The following CENPE variants were observed in gnomAD, a reference collection of about 807,000 sequenced individuals.
CENPE encodes centromere protein E, also known as centromere-associated protein E.
In CENPE, 145 loss-of-function variants were observed where a neutral mutation model predicts 336.1. That is an observed-to-expected ratio of 0.43 (90% CI 0.38 to 0.50). The LOEUF (loss-of-function observed/expected upper bound fraction) is 0.50, where lower values mean the gene tolerates loss of function less well. Ranked by LOEUF, CENPE falls within the 20% of genes least tolerant of loss-of-function variation. CENPE has a pLI of 0.00. For synonymous variants in CENPE, 1,013 were observed against 984.8 expected, an observed-to-expected ratio of 1.03 and a Z score of -0.54; for missense variants, 2,719 against 3,023.3, an observed-to-expected ratio of 0.90 and a Z score of 2.36.
chr4:103,190,410 A>G (rs1024017735), intron 8 of CENPE, among the ~76,000 whole-genome samples: 4 of 152,232 alleles, frequency 2.6e-5, no homozygotes, highest in African/African-American at 9.7e-5. Context: ...AGGCTACAGT[A>G]ACCAAAACAG....
chr4:103,180,371 A>G lies in CENPE; in HGVS notation c.1182T>C (p.Ile394=), dbSNP rs201423076. Residue 394 remains isoleucine (I), a synonymous_variant, in exon 13 of 49, where the codon ATT becomes ATC. Coordinates refer to ENST00000265148, the MANE Select transcript of CENPE (RefSeq NM_001813.3). The part of the protein sequence containing the change: ...DLLQKVQNEK[I]ENLTRMLVTS... ...TCACCAGCATCCGTGTTAAGTTTTC[A>G]ATTTTCTCATTCTGTACTTTCTGAA... 1 of 1,613,356 alleles carries G rather than the reference A, an allele frequency of 6.2e-7. No individual in the cohort carries two copies. Among genetic ancestry groups the G allele is most frequent in the Non-Finnish European group, 8.5e-7 (1 of 1,179,554 alleles).
chr4:103,123,119 C>A, intron 42 of CENPE, 30 bp from the exon 43 acceptor site: 2 of 1,539,468 alleles, frequency 1.3e-6, no homozygotes, highest in South Asian at 2.3e-5. Flanking sequence ...CATTATAGCT[C>A]TAAAACGATT....
chr4:103,124,114 T>C (rs754868306), intron 42 of CENPE, among the ~76,000 whole-genome samples: 5 of 152,224 alleles, frequency 3.3e-5, no homozygotes, highest in African/African-American at 7.2e-5. Flanking sequence ...TATGGATGTA[T>C]AGAAAAAACA....
intron 47 of CENPE, among the ~76,000 whole-genome samples, chr4:103,109,555 T>G (rs1196938291): frequency 6.6e-6 from 1 of 152,196 alleles, no homozygotes; most frequent in African/African-American, 2.4e-5. Flanking sequence ...ATTTATCCAG[T>G]TCCTCCGGAG....
At chr4:103,139,741 CTTAATTCTTA>C in intron 38 of CENPE, 38 bp downstream of exon 38, 1 of 1,469,468 alleles carries the variant, frequency 6.8e-7, no homozygotes, top group Non-Finnish European at 9.1e-7. Context: ...TTCAAAAAAG[CTTAATTCTTA>C]TTAATAGTTA....
chr4:103,187,996 T>C (rs1020412553), intron 8 of CENPE, among the ~76,000 whole-genome samples: 28 of 152,126 alleles, frequency 1.8e-4, no homozygotes, highest in African/African-American at 6.7e-4. Context: ...GTTGCAATCC[T>C]AGTCTCTGAT....
chr4:103,116,694 A>AT lies in CENPE; in HGVS notation c.7330-6dup, dbSNP rs762809608. 3.5e-5 allele frequency: 52 copies of AT among 1,488,082 alleles called. No individual in the cohort carries two copies. Among genetic ancestry groups the AT allele is most frequent in the South Asian group, 1.0e-4 (8 of 78,338 alleles). The allele number at this position is 1,488,082 out of a possible 1,614,324, so 92.2% of individuals were successfully genotyped here. ...AGCTCCTAAAGCAACTTTGTCCTAA[A>AT]TTTTTTTTAGAGAAAATAAAAATAA... On this transcript the variant is annotated splice_region_variant and splice_polypyrimidine_tract_variant and intron_variant, in intron 44 of 48. Coordinates refer to ENST00000265148, the MANE Select transcript of CENPE (RefSeq NM_001813.3).
Position 103,143,388 on chromosome 4 carries a change from C to A in CENPE, c.5164G>T (p.Glu1722Ter). 2 of 1,600,950 alleles carry A rather than the reference C, an allele frequency of 1.2e-6. No homozygotes were observed. Among genetic ancestry groups the A allele is most frequent in the Non-Finnish European group, 1.7e-6 (2 of 1,169,914 alleles). ...AGATGCATGTGAACAATTTTTAGCT[C>A]CTCTTGTTTTTCTAGGTCCTTTATC... ...TITRDLEKQE[E>*]LKIVHMHLKE... Residue 1722 changes from glutamate to a stop codon, truncating the protein, a stop_gained, in exon 34 of 49, where the codon GAG becomes TAG. Coordinates refer to ENST00000265148, the MANE Select transcript of CENPE (RefSeq NM_001813.3). LOFTEE classifies it high-confidence loss of function.
chr4:103,170,933 G>A (rs1180912159), intron 16 of CENPE, among the ~76,000 whole-genome samples: 1 of 152,086 alleles, frequency 6.6e-6, no homozygotes, highest in Non-Finnish European at 1.5e-5. Context: ...ACTGTGAAAA[G>A]AGACAAGGTC....
intron 34 of CENPE, among the ~76,000 whole-genome samples, 154 bp from the exon 35 acceptor site, chr4:103,142,062 C>T (rs1752609464): frequency 1.3e-5 from 2 of 151,920 alleles, no homozygotes; most frequent in African/African-American, 4.8e-5. Context: ...CCCTGTCCTC[C>T]TCTCTTCACA....
intron 9 of CENPE, among the ~76,000 whole-genome samples, chr4:103,185,353 C>A (rs1269550732): frequency 6.7e-6 from 1 of 149,294 alleles, no homozygotes; most frequent in Non-Finnish European, 1.5e-5. Context: ...TTGTACAAAT[C>A]TTTGTTGAGT....
At chr4:103,150,200 TA>T (rs1365411841) in intron 26 of CENPE, among the ~76,000 whole-genome samples, 1 of 152,194 alleles carries the variant, frequency 6.6e-6, no homozygotes, top group Admixed American at 6.5e-5. Flanking sequence ...TTACCTTTTT[TA>T]TAGGAGTATG....
In CENPE at chr4:103,120,322, C is replaced by G. The variant is rs754847768; in HGVS notation, c.7155G>C (p.Glu2385Asp). The change falls in exon 44 of 49, where the codon GAG becomes GAC. Residue 2385 changes from glutamate to aspartate, a missense_variant. Physicochemically the swap from Glu to Asp is conservative, Grantham distance 45. This residue lies in a region of CENPE where 2,437 missense variants were observed against 2,513.3 expected (regional missense o/e 0.97). Transcript: ENST00000265148. ...ATQLTTEKIR[E>D]LENSLHEAKE... Reference sequence around the variant, plus strand: ...TAGCTTCATGCAGTGAATTTTCCAGCTCTCGAATTTTCTATTAGAAAAAGC... The same window carrying G: ...TAGCTTCATGCAGTGAATTTTCCAGGTCTCGAATTTTCTATTAGAAAAAGC... 6.2e-7 allele frequency: 1 copy of G among 1,606,234 alleles called. No homozygotes were observed.
At chr4:103,139,300 T>G (rs2125913768) in intron 38 of CENPE, among the ~76,000 whole-genome samples, 1 of 152,284 alleles carries the variant, frequency 6.6e-6, no homozygotes, top group African/African-American at 2.4e-5. Context: ...AAAAAGAGGA[T>G]TTAATTAGAT....
At chr4:103,114,618 A>C in intron 45 of CENPE, 66 bp from the exon 46 acceptor site, 2 of 979,546 alleles carry the variant, frequency 2.0e-6, no homozygotes, top group Non-Finnish European at 3.2e-6. Context: ...AATAAACAGA[A>C]CTGCTGTGAA....
chr4:103,137,669 T>A (rs1439544596), intron 39 of CENPE, among the ~76,000 whole-genome samples: 1 of 152,124 alleles, frequency 6.6e-6, no homozygotes, highest in East Asian at 1.9e-4. Flanking sequence ...TGACTGTAAA[T>A]CCTGTTGGCT....
At position 103,153,071 on chromosome 4, in the gene CENPE, A is replaced by G. The variant is rs1169760794; in HGVS notation, c.3213T>C (p.Thr1071=). ...CCATTTCAATATTTTCCTTTAGGTC[A>G]GTCTTCAATTGTTCCTTTTCTGCTA... ...SVIAEKEQLK[T]DLKENIEMTI... Residue 1071 remains threonine (T), a synonymous_variant, in exon 25 of 49, where the codon ACT becomes ACC. Transcript: ENST00000265148. The G allele has an allele frequency of 6.2e-7, 1 of 1,612,068 alleles. No individual in the cohort carries two copies. Among genetic ancestry groups the G allele is most frequent in the Admixed American group, 1.7e-5 (1 of 59,706 alleles).
intron 4 of CENPE, 46 bp downstream of exon 4, chr4:103,195,874 T>C: frequency 9.1e-7 from 1 of 1,100,522 alleles, no homozygotes; most frequent in Non-Finnish European, 1.4e-6. Flanking sequence ...ACCCAGTTTT[T>C]ACTAGTTTTA....
chr4:103,170,175 C>G (rs1169262702), intron 16 of CENPE, among the ~76,000 whole-genome samples: 1 of 152,088 alleles, frequency 6.6e-6, no homozygotes, highest in Non-Finnish European at 1.5e-5. Context: ...GGAGAAATAC[C>G]TAATGTTAAA....
Sources: allele counts gnomAD v4.1 joint callset (sites outside exome capture counted in the v4.1 genomes callset), GRCh38; gene constraint gnomAD v4.1.1; regional missense constraint gnomAD v4.1.1; transcripts MANE v1.5; gene names NCBI Gene and HGNC (gene_info 2026-07-23, HGNC 2026-07-21).